IL1RAPL1: variants seen among roughly 807,000 people sequenced by gnomAD.
IL1RAPL1 encodes the protein interleukin-1 receptor accessory protein-like 1.
A neutral mutation model predicts 48.4 loss-of-function variants in IL1RAPL1; 3 were observed. The observed-to-expected ratio is 0.06, with a 90% confidence interval of 0.03 to 0.16. The LOEUF (loss-of-function observed/expected upper bound fraction) is 0.16, where lower values mean the gene tolerates loss of function less well. IL1RAPL1 is among the 10% of genes least tolerant of loss of function. IL1RAPL1 has a pLI of 1.00. For missense variants in IL1RAPL1, 349 were observed against 530.6 expected (o/e 0.66, Z 3.36); for synonymous variants, 185 against 187.7 (o/e 0.99, Z 0.12).
intron 5 of IL1RAPL1, among the ~76,000 whole-genome samples, chrX:29,515,212 A>G (rs5927678): frequency 0.46 from 51,495 of 111,445 alleles, 8,581 homozygotes; most frequent in East Asian, 0.7. Flanking sequence ...CAATTGCAAA[A>G]GACATTACAG....
At chrX:29,737,038 G>A (rs1394655417) in intron 6 of IL1RAPL1, among the ~76,000 whole-genome samples, 3 of 111,217 alleles carry the variant, frequency 2.7e-5, no homozygotes, top group African/African-American at 9.8e-5. Flanking sequence ...TGATCAAATC[G>A]GACACATTCA....
chrX:29,028,796 T>C (rs1329865445), intron 2 of IL1RAPL1, among the ~76,000 whole-genome samples: 1 of 111,200 alleles, frequency 9.0e-6, no homozygotes, highest in Non-Finnish European at 1.9e-5. Context: ...TTCAAACAAC[T>C]AGTCCAAAAG....
At chrX:29,257,263 AT>A (rs988444499) in intron 2 of IL1RAPL1, among the ~76,000 whole-genome samples, 13 of 109,995 alleles carry the variant, frequency 1.2e-4, no homozygotes, top group Admixed American at 2.9e-4. Context: ...GCCATAAGTA[AT>A]TTTTTTTTGC....
intron 2 of IL1RAPL1, among the ~76,000 whole-genome samples, chrX:28,879,287 T>C (rs1316200590): frequency 9.0e-6 from 1 of 111,289 alleles, no homozygotes; most frequent in Non-Finnish European, 1.9e-5. Context: ...TTAAGAGAAA[T>C]ATAAAATATT....
At chrX:29,118,647 G>A (rs1285194484) in intron 2 of IL1RAPL1, among the ~76,000 whole-genome samples, 1 of 111,454 alleles carries the variant, frequency 9.0e-6, no homozygotes, top group African/African-American at 3.3e-5. Context: ...ATATATTATA[G>A]TTTACTACTA....
rs1569267358 is a variant in IL1RAPL1 at position 29,240,213 on chromosome X, TA to T, written c.83-42724del. On this transcript the variant is annotated intron_variant, in intron 2 of 10. Transcript: ENST00000378993. ...ACACACACATATATATATATATATA[TA>T]TATATATATATTTTTTTTTTTTTTT... Among the ~76,000 whole-genome samples, 33 of 51,645 alleles carry T rather than the reference TA, an allele frequency of 6.4e-4. No homozygotes were observed. In the East Asian group the frequency reaches 8.3e-3, roughly 13 times the overall value. The allele number at this position is 51,645 out of a possible 115,157, so 44.8% of individuals were successfully genotyped here. A position where few individuals can be genotyped will look rare whatever the true frequency, so the allele number is the denominator to read the frequency against.
intron 5 of IL1RAPL1, among the ~76,000 whole-genome samples, chrX:29,563,149 G>A (rs1234854403): frequency 8.9e-6 from 1 of 111,984 alleles, no homozygotes; most frequent in African/African-American, 3.2e-5. Flanking sequence ...GAGATATAGA[G>A]ATAAAGTACA....
intron 1 of IL1RAPL1, among the ~76,000 whole-genome samples, chrX:28,621,472 T>A (rs2146888696): frequency 8.9e-6 from 1 of 112,185 alleles, no homozygotes; most frequent in East Asian, 2.8e-4. Flanking sequence ...TCCTCTTTCT[T>A]ACCTCAAATT....
chrX:29,745,802 A>G (rs951135546), intron 6 of IL1RAPL1, among the ~76,000 whole-genome samples: 1 of 110,706 alleles, frequency 9.0e-6, no homozygotes, highest in African/African-American at 3.3e-5. Context: ...ACAGTCCTAT[A>G]TGTAAAAGTA....
intron 1 of IL1RAPL1, among the ~76,000 whole-genome samples, chrX:28,631,873 G>GAGC (rs1696842733): frequency 8.9e-6 from 1 of 112,335 alleles, no homozygotes; most frequent in African/African-American, 3.2e-5. Context: ...GAGAGGTCAA[G>GAGC]AGCCTGTGCT....
chrX:28,737,124 T>C (rs1157446126), intron 1 of IL1RAPL1, among the ~76,000 whole-genome samples: 1 of 24,542 alleles, frequency 4.1e-5, no homozygotes, highest in African/African-American at 1.7e-4. Context: ...TTTCCTTCCT[T>C]CCTTCCTTCC....
chrX:29,274,205 T>A (rs904094117), intron 2 of IL1RAPL1, among the ~76,000 whole-genome samples: 1 of 111,867 alleles, frequency 8.9e-6, no homozygotes, highest in Admixed American at 9.5e-5. Flanking sequence ...ACAGATACAT[T>A]TTTGTAATAC....
At chrX:29,915,066 C>T (rs908559966) in intron 6 of IL1RAPL1, among the ~76,000 whole-genome samples, 4 of 109,664 alleles carry the variant, frequency 3.6e-5, no homozygotes, top group African/African-American at 1.4e-4. Context: ...GAGGCCAAGG[C>T]GGGCAGATCA....
intron 2 of IL1RAPL1, among the ~76,000 whole-genome samples, chrX:28,939,025 A>T (rs1304999699): frequency 9.1e-6 from 1 of 109,416 alleles, no homozygotes; most frequent in African/African-American, 3.3e-5. Context: ...CAGTAAAAAA[A>T]AAAAAATAAC....
At chrX:29,914,813 CA>C (rs747818824) in intron 6 of IL1RAPL1, among the ~76,000 whole-genome samples, 1 of 112,441 alleles carries the variant, frequency 8.9e-6, no homozygotes, top group Non-Finnish European at 1.9e-5. Flanking sequence ...AATTGATTTC[CA>C]ATCAATGGAA....
At chrX:29,092,433 A>G (rs1275848796) in intron 2 of IL1RAPL1, among the ~76,000 whole-genome samples, 4 of 111,617 alleles carry the variant, frequency 3.6e-5, no homozygotes, top group Non-Finnish European at 7.5e-5. Flanking sequence ...TTCTAGGCCC[A>G]CCTTGTCTAT....
intron 2 of IL1RAPL1, among the ~76,000 whole-genome samples, chrX:29,216,055 A>G (rs1463461036): frequency 9.0e-6 from 1 of 110,936 alleles, no homozygotes; most frequent in Admixed American, 9.6e-5. Flanking sequence ...TTAAACATTA[A>G]CTCTCTCAAC....
intron 5 of IL1RAPL1, among the ~76,000 whole-genome samples, chrX:29,608,642 C>T (rs551150644): frequency 1.8e-3 from 188 of 106,220 alleles, no homozygotes; most frequent in South Asian, 0.012. Flanking sequence ...CTGGCTAACA[C>T]GGTGAAACCC....
intron 3 of IL1RAPL1, among the ~76,000 whole-genome samples, chrX:29,328,885 G>C (rs776017116): frequency 1.5e-4 from 17 of 110,389 alleles, no homozygotes; most frequent in Middle Eastern, 4.8e-3. Flanking sequence ...TTTAAATTTA[G>C]ATCACGGTAG....
Sources: gnomAD v4.1 joint callset for allele counts (sites outside exome capture counted in the v4.1 genomes callset) on GRCh38, gnomAD v4.1.1 for gene constraint, MANE v1.5 for transcripts, NCBI Gene and HGNC (gene_info 2026-07-23, HGNC 2026-07-21) for gene names.